The following PTPRD variants were observed in gnomAD, a reference collection of about 807,000 sequenced individuals.
PTPRD encodes the protein protein tyrosine phosphatase receptor type D, also known as receptor-type tyrosine-protein phosphatase delta.
A neutral mutation model predicts 214.5 loss-of-function variants in PTPRD; 34 were observed. That is an observed-to-expected ratio of 0.16 (90% CI 0.12 to 0.21). The LOEUF (loss-of-function observed/expected upper bound fraction) is 0.21, where lower values mean the gene tolerates loss of function less well. Ranked by LOEUF, PTPRD falls within the 10% of genes least tolerant of loss-of-function variation. PTPRD has a pLI of 1.00. For missense variants in PTPRD, 2,545 were observed against 2,398.7 expected (o/e 1.06, Z -1.27); for synonymous variants, 1,128 against 845.7 (o/e 1.33, Z -5.79).
At chr9:9,955,729 T>C (rs1362648064) in intron 4 of PTPRD, among the ~76,000 whole-genome samples, 1 of 152,126 alleles carries the variant, frequency 6.6e-6, no homozygotes, top group East Asian at 1.9e-4. Flanking sequence ...TTCACCGTGT[T>C]AGCCAGGATG....
chr9:8,668,267 T>C (rs1426009543), intron 12 of PTPRD, among the ~76,000 whole-genome samples: 1 of 152,220 alleles, frequency 6.6e-6, no homozygotes, highest in Non-Finnish European at 1.5e-5. Flanking sequence ...AATCTATTCT[T>C]TATCATCATA....
At chr9:10,372,855 A>ATTAATT (rs33976967) in intron 2 of PTPRD, among the ~76,000 whole-genome samples, 1 of 31,528 alleles carries the variant, frequency 3.2e-5, no homozygotes, top group African/African-American at 9.3e-5. Context: ...TATTATTATT[A>ATTAATT]ATTATTATTA....
chr9:9,507,155 T>C (rs2096589117), intron 8 of PTPRD, among the ~76,000 whole-genome samples: 2 of 151,506 alleles, frequency 1.3e-5, no homozygotes, highest in South Asian at 4.1e-4. Context: ...ATCAAGAGAA[T>C]GATTCTAATA....
At chr9:9,083,166 A>T (rs1331124772) in intron 10 of PTPRD, among the ~76,000 whole-genome samples, 1 of 152,190 alleles carries the variant, frequency 6.6e-6, no homozygotes. Context: ...ACAAGGCTAC[A>T]GTAACCAAAA....
chr9:10,118,087 A>G (rs1208586065), intron 3 of PTPRD, among the ~76,000 whole-genome samples: 1 of 151,968 alleles, frequency 6.6e-6, no homozygotes, highest in Non-Finnish European at 1.5e-5. Flanking sequence ...ACATGGAGGT[A>G]CCAGAGCTAG....
At chr9:8,915,514 T>C (rs1327265989) in intron 11 of PTPRD, among the ~76,000 whole-genome samples, 3 of 152,128 alleles carry the variant, frequency 2.0e-5, no homozygotes. Flanking sequence ...TGTGTGTGTA[T>C]ATATACAAAC....
intron 8 of PTPRD, among the ~76,000 whole-genome samples, chr9:9,487,781 C>T (rs928533732): frequency 3.3e-5 from 5 of 152,022 alleles, no homozygotes; most frequent in African/African-American, 1.2e-4. Context: ...CTTAGATTTC[C>T]AGTGACAGAA....
intron 9 of PTPRD, among the ~76,000 whole-genome samples, chr9:9,223,365 A>AC (rs2099957411): frequency 6.6e-6 from 1 of 151,958 alleles, no homozygotes; most frequent in Non-Finnish European, 1.5e-5. Context: ...TTATTATAGG[A>AC]AGCTCTTTTG....
At chr9:8,765,523 C>T (rs539793087) in intron 11 of PTPRD, among the ~76,000 whole-genome samples, 1 of 152,278 alleles carries the variant, frequency 6.6e-6, no homozygotes, top group East Asian at 1.9e-4. Flanking sequence ...TATTATCAGT[C>T]CTGCCAAAAG....
At chr9:10,530,700 A>G (rs1296401699) in intron 2 of PTPRD, among the ~76,000 whole-genome samples, 1 of 152,168 alleles carries the variant, frequency 6.6e-6, no homozygotes, top group Non-Finnish European at 1.5e-5. Context: ...GAACTCTCAC[A>G]GGCTTAATTT....
intron 5 of PTPRD, among the ~76,000 whole-genome samples, chr9:9,845,482 G>A (rs1019240239): frequency 4.0e-5 from 6 of 151,782 alleles, no homozygotes; most frequent in Middle Eastern, 3.4e-3. Context: ...GCATATACGT[G>A]TGTGTGTTTG....
At chr9:9,069,107 G>A (rs149219119) in intron 10 of PTPRD, among the ~76,000 whole-genome samples, 12 of 152,238 alleles carry the variant, frequency 7.9e-5, no homozygotes, top group East Asian at 1.9e-4. Context: ...AAAACCTGAC[G>A]GAAGTTCTAA....
intron 11 of PTPRD, among the ~76,000 whole-genome samples, chr9:8,985,240 T>G (rs751956564): frequency 2.0e-5 from 3 of 152,110 alleles, no homozygotes; most frequent in Admixed American, 6.6e-5. Flanking sequence ...GGCATATGTA[T>G]GCATTTATAA....
intron 5 of PTPRD, among the ~76,000 whole-genome samples, chr9:9,785,690 A>G (rs2098917773): frequency 6.6e-6 from 1 of 152,250 alleles, no homozygotes; most frequent in East Asian, 1.9e-4. Flanking sequence ...CAGAAAAAGA[A>G]TATTTGTTGA....
In PTPRD at chr9:9,697,309, G is replaced by C. The variant is rs74669111; in HGVS notation, c.-287+37224C>G. On this transcript the variant is annotated intron_variant, in intron 7 of 45. Transcript: ENST00000381196. ...TCAAATGTTTTCTCTTTGCATATTA[G>C]TGTTATTTTTTCTTTCAGATTGAAA... Among the ~76,000 whole-genome samples, 1,130 of 152,090 alleles carry C rather than the reference G, an allele frequency of 7.4e-3. 17 individuals carry two copies. Among genetic ancestry groups the C allele is most frequent in the African/African-American group, 0.026 (1,066 of 41,516 alleles).
At chr9:9,935,612 G>A (rs1244879938) in intron 5 of PTPRD, among the ~76,000 whole-genome samples, 1 of 150,784 alleles carries the variant, frequency 6.6e-6, no homozygotes, top group African/African-American at 2.5e-5. Context: ...CCATGCTCAT[G>A]GGTAGGAACA....
chr9:8,389,981 C>G (rs10977027), intron 36 of PTPRD, among the ~76,000 whole-genome samples: 15,497 of 152,116 alleles, frequency 0.1, 1,608 homozygotes, highest in East Asian at 0.5. Context: ...GCAAGTTGCT[C>G]AAGTTGGTGG....
chr9:8,953,340 T>C (rs7847984), intron 11 of PTPRD, among the ~76,000 whole-genome samples: 126,805 of 151,950 alleles, frequency 0.83, 53,188 homozygotes, highest in East Asian at 0.91. Flanking sequence ...CTACCTATCA[T>C]TATGAGCAAA....
Position 8,915,928 on chromosome 9 carries a change from T to C in PTPRD, c.-104+102769A>G, listed in dbSNP as rs372774099. 7.9e-5 allele frequency among the ~76,000 whole-genome samples: 12 copies of C among 152,280 alleles called. No homozygotes were observed. The East Asian group carries it at 1.2e-3, about 15-fold the overall frequency. Reference sequence around the variant, plus strand: ...GGTGGCCCAGTTAAGTTGACATACATAATTAATCATCACTTTGGACACAGG... The same window carrying C: ...GGTGGCCCAGTTAAGTTGACATACACAATTAATCATCACTTTGGACACAGG... On this transcript the variant is annotated intron_variant, in intron 11 of 45. Coordinates refer to ENST00000381196, the MANE Select transcript of PTPRD (RefSeq NM_002839.4).
Sources: allele counts gnomAD v4.1 joint callset (sites outside exome capture counted in the v4.1 genomes callset), GRCh38; gene constraint gnomAD v4.1.1; transcripts MANE v1.5; gene names NCBI Gene and HGNC (gene_info 2026-07-23, HGNC 2026-07-21).